MAB21L3: variants seen among roughly 807,000 people sequenced by gnomAD.
MAB21L3 encodes protein mab-21-like 3.
Under a neutral mutation model 37.7 loss-of-function variants are expected in MAB21L3, and 36 were observed. The observed-to-expected ratio is 0.96, with a 90% confidence interval of 0.73 to 1.26. The LOEUF (loss-of-function observed/expected upper bound fraction) is 1.26. Among genes scored for constraint, MAB21L3 ranks in the 50% most tolerant of loss-of-function variants. MAB21L3 has a pLI of 0.00. For synonymous variants in MAB21L3, 186 were observed against 176.8 expected (o/e 1.05, Z -0.41); for missense variants, 430 against 447.3 (o/e 0.96, Z 0.35).
chr1:116,128,550 C>A (rs1268102093), intron 7 of MAB21L3, among the ~76,000 whole-genome samples: 1 of 152,128 alleles, frequency 6.6e-6, no homozygotes, highest in African/African-American at 2.4e-5. Context: ...GTCCACAACA[C>A]CCCTGCCCAG....
At position 116,117,457 on chromosome 1, in the gene MAB21L3, G is replaced by A. The variant is rs561226498; in HGVS notation, c.49-3475G>A. 1.4e-3 allele frequency among the ~76,000 whole-genome samples: 216 copies of A among 151,826 alleles called. 1 individual carries two copies. Among genetic ancestry groups the A allele is most frequent in the Non-Finnish European group, 5.9e-4 (40 of 67,940 alleles). On this transcript the variant is annotated intron_variant, in intron 3 of 7. Transcript: ENST00000369500. ...ACTAGCTTTATCCGTTCTTTATTCC[G>A]GCTGGAAGATATAGCCCACTGCTGA...
Position 116,112,656 on chromosome 1 carries a change from T to G in MAB21L3, c.41T>G (p.Leu14Arg). Residue 14 changes from leucine (L) to arginine (R), a missense_variant, in exon 3 of 8, where the codon CTG (leucine) becomes CGG (arginine). Coordinates refer to ENST00000369500, the MANE Select transcript of MAB21L3 (RefSeq NM_152367.3). ...GTGGGAGACTTAGAAGATTGCCTAC[T>G]GAATAAGGTAAGGACAGACCCGGTC... ...LTVGDLEDCL[L>R]NKVDLRRQQI... is the part of the protein sequence containing the mutation. 6.2e-7 allele frequency: 1 copy of G among 1,613,700 alleles called. No homozygotes were observed. Among genetic ancestry groups the G allele is most frequent in the South Asian group, 1.1e-5 (1 of 91,040 alleles).
chr1:116,118,893 A>G (rs978724901), intron 3 of MAB21L3, among the ~76,000 whole-genome samples: 51 of 152,208 alleles, frequency 3.4e-4, no homozygotes, highest in African/African-American at 1.2e-3. Context: ...TCCGTTTTCT[A>G]TGTATCCATA....
intron 5 of MAB21L3, 67 bp from the exon 6 acceptor site, chr1:116,127,396 TTTC>T (rs1659938063): frequency 1.3e-6 from 2 of 1,500,590 alleles, no homozygotes; most frequent in South Asian, 2.6e-5. Flanking sequence ...TGCTCACAAA[TTTC>T]TTGTTTGAAC....
chr1:116,137,468 G>A lies in MAB21L3; in HGVS notation c.*4103G>A, dbSNP rs1259497543. On this transcript the variant is annotated 3_prime_UTR_variant, in exon 8 of 8. Coordinates refer to ENST00000369500, the MANE Select transcript of MAB21L3 (RefSeq NM_152367.3). Reference sequence around the variant, plus strand: ...TAGAATGGCAATCATTAAAAAGTCAGGAAACAACAGGTGCTGGAGAGGATG... The same window carrying A: ...TAGAATGGCAATCATTAAAAAGTCAAGAAACAACAGGTGCTGGAGAGGATG... Among the ~76,000 whole-genome samples, 57 of 144,166 alleles carry A rather than the reference G, an allele frequency of 4.0e-4. 1 individual carries two copies. In the East Asian group the frequency reaches 0.01, roughly 26 times the overall value. The allele number at this position is 144,166 out of a possible 152,430, so 94.6% of individuals were successfully genotyped here.
intron 7 of MAB21L3, 78 bp from the exon 8 acceptor site, chr1:116,133,054 A>G (rs1003642401): frequency 3.3e-6 from 4 of 1,218,842 alleles, no homozygotes; most frequent in African/African-American, 3.0e-5. Context: ...CCAAGGCCAC[A>G]TAAGCTCAAT....
intron 6 of MAB21L3, 38 bp from the exon 7 acceptor site, chr1:116,128,107 G>A (rs751464926): frequency 2.5e-6 from 4 of 1,585,394 alleles, no homozygotes. Context: ...AGTGAGCATT[G>A]TTCTTCTTAT....
At chr1:116,119,859 C>T (rs1433470721) in intron 3 of MAB21L3, among the ~76,000 whole-genome samples, 3 of 152,162 alleles carry the variant, frequency 2.0e-5, no homozygotes, top group Non-Finnish European at 4.4e-5. Context: ...GTTGAGTTTT[C>T]TATGAGAATT....
chr1:116,112,383 CTT>C (rs374067158), intron 2 of MAB21L3, 22 bp from the exon 3 acceptor site: 11 of 398,288 alleles, frequency 2.8e-5, no homozygotes, highest in South Asian at 5.1e-5. Context: ...TTTTTAAATT[CTT>C]TTTTTTTTAA....
intron 4 of MAB21L3, among the ~76,000 whole-genome samples, chr1:116,123,200 C>T (rs1272809954): frequency 6.6e-6 from 1 of 152,346 alleles, no homozygotes; most frequent in South Asian, 2.1e-4. Flanking sequence ...TGTTCTACCT[C>T]TCGGCTGCCG....
intron 3 of MAB21L3, among the ~76,000 whole-genome samples, chr1:116,118,599 T>G (rs950757205): frequency 2.6e-5 from 4 of 152,316 alleles, no homozygotes; most frequent in African/African-American, 9.6e-5. Context: ...GTTCTTGAAA[T>G]TCTTCCTTTA....
chr1:116,112,765 A>G, intron 3 of MAB21L3, 102 bp downstream of exon 3: 11 of 1,115,100 alleles, frequency 9.9e-6, no homozygotes, highest in Non-Finnish European at 8.0e-6. Flanking sequence ...CTAAAGACAC[A>G]TAAAATGCTC....
chr1:116,133,067 T>G, intron 7 of MAB21L3, 65 bp from the exon 8 acceptor site: 1 of 1,345,258 alleles, frequency 7.4e-7, no homozygotes, highest in Non-Finnish European at 1.1e-6. Context: ...AGCTCAATAA[T>G]TGTTTCCAAG....
chr1:116,120,037 G>A (rs1659697881), intron 3 of MAB21L3, among the ~76,000 whole-genome samples: 1 of 152,102 alleles, frequency 6.6e-6, no homozygotes, highest in African/African-American at 2.4e-5. Flanking sequence ...AAGTTAAGTG[G>A]TTTAATATTC....
chr1:116,123,032 C>A (rs111844347), intron 4 of MAB21L3, among the ~76,000 whole-genome samples: 9,021 of 152,258 alleles, frequency 0.059, 863 homozygotes, highest in African/African-American at 0.2. Flanking sequence ...AGGGCTTTCC[C>A]CACTCAATGG....
At chr1:116,118,847 C>T (rs1235598667) in intron 3 of MAB21L3, among the ~76,000 whole-genome samples, 1 of 152,226 alleles carries the variant, frequency 6.6e-6, no homozygotes, top group African/African-American at 2.4e-5. Context: ...ACTGTGCCTC[C>T]AGAAAGGCCT....
At chr1:116,126,604 G>T (rs530698126) in intron 5 of MAB21L3, among the ~76,000 whole-genome samples, 1 of 152,214 alleles carries the variant, frequency 6.6e-6, no homozygotes, top group East Asian at 1.9e-4. Flanking sequence ...TAAATAAGGA[G>T]GCTGATGCTG....
rs1391859167 is a variant in MAB21L3, at chr1:116,112,608, A to G, written c.-8A>G. The G allele has an allele frequency of 6.8e-6, 11 of 1,613,338 alleles. No individual in the cohort carries two copies. The highest frequency in any genetic ancestry group is 9.3e-6 in the Non-Finnish European group (11 of 1,179,848). On this transcript the variant is annotated 5_prime_UTR_variant, in exon 3 of 8. Coordinates refer to ENST00000369500, the MANE Select transcript of MAB21L3 (RefSeq NM_152367.3). ...GTTGCTGTTCTACTGAGGACTGACC[A>G]AGAAGCCATGAAATACCTTACTGTG...
intron 4 of MAB21L3, among the ~76,000 whole-genome samples, chr1:116,122,818 T>G (rs1557930454): frequency 6.6e-6 from 1 of 152,234 alleles, no homozygotes; most frequent in South Asian, 2.1e-4. Flanking sequence ...CTTATATGAC[T>G]AATAACATGA....
Sources: allele counts gnomAD v4.1 joint callset (sites outside exome capture counted in the v4.1 genomes callset), GRCh38; gene constraint gnomAD v4.1.1; transcripts MANE v1.5; gene names NCBI Gene and HGNC (gene_info 2026-07-23, HGNC 2026-07-21).